CNTN5: variants seen among roughly 807,000 people sequenced by gnomAD.
The protein encoded by CNTN5 is contactin-5.
CNTN5 carries 77 observed loss-of-function variants against 129.1 expected under a neutral mutation model. The ratio of observed to expected loss-of-function variants is 0.60; its 90% CI spans 0.50 to 0.72. The LOEUF (loss-of-function observed/expected upper bound fraction) is 0.72. Ranked by LOEUF, CNTN5 falls within the 30% of genes least tolerant of loss-of-function variation. The pLI, the probability that CNTN5 is intolerant of heterozygous loss-of-function variation, is 0.00. For missense variants in CNTN5, 1,478 were observed against 1,328.8 expected (o/e 1.11, Z -1.75); for synonymous variants, 509 against 465.6 (o/e 1.09, Z -1.20).
intron 16 of CNTN5, among the ~76,000 whole-genome samples, chr11:100,232,096 G>A (rs1338226281): frequency 1.3e-5 from 2 of 152,272 alleles, no homozygotes; most frequent in African/African-American, 4.8e-5. Flanking sequence ...GGAGGTTGCA[G>A]TGAGCCGAGA....
At chr11:100,329,593 A>G (rs1320413446) in intron 21 of CNTN5, among the ~76,000 whole-genome samples, 2 of 152,118 alleles carry the variant, frequency 1.3e-5, no homozygotes, top group Non-Finnish European at 2.9e-5. Flanking sequence ...AACTAACACC[A>G]CTGGAGCAGG....
chr11:100,086,221 T>C (rs1184485746), intron 13 of CNTN5, among the ~76,000 whole-genome samples: 1 of 151,098 alleles, frequency 6.6e-6, no homozygotes, highest in Non-Finnish European at 1.5e-5. Context: ...AAATTATATT[T>C]ATTTTATAGA....
intron 21 of CNTN5, among the ~76,000 whole-genome samples, chr11:100,316,903 CA>C (rs1286891716): frequency 6.6e-6 from 1 of 152,120 alleles, no homozygotes; most frequent in Non-Finnish European, 1.5e-5. Flanking sequence ...TGCTTATTAT[CA>C]AGAAAAAACA....
At chr11:99,320,794 T>C (rs1483486093) in intron 1 of CNTN5, among the ~76,000 whole-genome samples, 3 of 152,274 alleles carry the variant, frequency 2.0e-5, no homozygotes, top group African/African-American at 7.2e-5. Context: ...TCAACTTGCC[T>C]GGGCCATGGG....
chr11:100,240,046 G>A (rs895483731), intron 16 of CNTN5, among the ~76,000 whole-genome samples: 38 of 152,260 alleles, frequency 2.5e-4, no homozygotes, highest in African/African-American at 8.7e-4. Context: ...CACCTGATCT[G>A]TATGAATCAG....
At chr11:99,765,865 G>C (rs539007283) in intron 3 of CNTN5, among the ~76,000 whole-genome samples, 1 of 151,728 alleles carries the variant, frequency 6.6e-6, no homozygotes, top group African/African-American at 2.4e-5. Context: ...CTGTATTCTG[G>C]TGACATTAAA....
chr11:99,127,151 C>T (rs1179337139), intron 1 of CNTN5, among the ~76,000 whole-genome samples: 1 of 152,144 alleles, frequency 6.6e-6, no homozygotes, highest in Non-Finnish European at 1.5e-5. Context: ...TCACATGCCC[C>T]AAACAGAACC....
intron 2 of CNTN5, among the ~76,000 whole-genome samples, chr11:99,407,460 C>T (rs1942128738): frequency 6.6e-6 from 1 of 152,000 alleles, no homozygotes; most frequent in Non-Finnish European, 1.5e-5. Context: ...TCTTCTGTCT[C>T]CTCTCCTAAA....
chr11:99,731,938 TAGG>T lies in CNTN5; in HGVS notation c.56-87601_56-87599del, dbSNP rs1943549118. 2.6e-5 allele frequency among the ~76,000 whole-genome samples: 4 copies of T among 152,278 alleles called. No homozygotes were observed. The South Asian group carries it at 8.3e-4, about 32-fold the overall frequency. ...AAGGGACATATGCATGCTAGAACAA[TAGG>T]AGGAATTATTGGTGTCCATATTTAG... On this transcript the variant is annotated intron_variant, in intron 3 of 24. Coordinates refer to ENST00000524871, the MANE Select transcript of CNTN5 (RefSeq NM_014361.4).
In CNTN5 at chr11:99,651,141, T is replaced by C. The variant is rs186897740; in HGVS notation, c.55+94872T>C. On this transcript the variant is annotated intron_variant, in intron 3 of 24. Coordinates refer to ENST00000524871, the MANE Select transcript of CNTN5 (RefSeq NM_014361.4). ...AAGTTGCTTAGCATAAAATGCAAGA[T>C]ACAGGTGAATAATTTGAGGACATAT... Among the ~76,000 whole-genome samples the C allele has an allele frequency of 5.6e-3, 853 of 152,044 alleles. 7 individuals carry two copies. The highest frequency in any genetic ancestry group is 0.034 in the Middle Eastern group (10 of 294).
intron 18 of CNTN5, among the ~76,000 whole-genome samples, chr11:100,282,088 C>G (rs952734547): frequency 5.3e-5 from 8 of 151,400 alleles, no homozygotes; most frequent in African/African-American, 1.9e-4. Flanking sequence ...AGGATTGGTC[C>G]CCGGTGGCAT....
chr11:100,136,714 GC>G (rs1258010884), intron 13 of CNTN5, among the ~76,000 whole-genome samples: 1 of 151,322 alleles, frequency 6.6e-6, no homozygotes, highest in African/African-American at 2.4e-5. Flanking sequence ...CTATGTGTAT[GC>G]CCAGTATGGA....
intron 17 of CNTN5, among the ~76,000 whole-genome samples, chr11:100,261,388 A>C (rs960009291): frequency 1.3e-5 from 2 of 152,180 alleles, no homozygotes; most frequent in African/African-American, 2.4e-5. Context: ...TAATTAATAG[A>C]TTCAATGCTC....
chr11:99,674,949 T>G (rs1953208430), intron 3 of CNTN5, among the ~76,000 whole-genome samples: 1 of 151,982 alleles, frequency 6.6e-6, no homozygotes, highest in Admixed American at 6.6e-5. Context: ...TGGATGTGCA[T>G]ACTGGATTAT....
At chr11:99,999,692 A>G (rs1939726578) in intron 8 of CNTN5, among the ~76,000 whole-genome samples, 1 of 152,178 alleles carries the variant, frequency 6.6e-6, no homozygotes, top group Non-Finnish European at 1.5e-5. Flanking sequence ...ATGCTGCTGT[A>G]AAGACACATG....
At chr11:99,935,681 T>G (rs777728955) in intron 7 of CNTN5, among the ~76,000 whole-genome samples, 13 of 152,138 alleles carry the variant, frequency 8.5e-5, no homozygotes, top group Middle Eastern at 3.2e-3. Context: ...AGAATCAGTA[T>G]TAAGTTTGTT....
intron 21 of CNTN5, among the ~76,000 whole-genome samples, chr11:100,318,505 T>A (rs370776228): frequency 3.3e-5 from 5 of 152,354 alleles, no homozygotes; most frequent in African/African-American, 1.2e-4. Context: ...AATTGCCAAT[T>A]AGTAAAGTGC....
intron 6 of CNTN5, among the ~76,000 whole-genome samples, chr11:99,885,933 T>G (rs1262023872): frequency 1.3e-5 from 2 of 152,108 alleles, no homozygotes; most frequent in Non-Finnish European, 2.9e-5. Flanking sequence ...CATTAAAAAA[T>G]TAATCATTAA....
chr11:100,066,248 G>A (rs1446295441), intron 10 of CNTN5, among the ~76,000 whole-genome samples: 1 of 152,066 alleles, frequency 6.6e-6, no homozygotes, highest in East Asian at 1.9e-4. Flanking sequence ...CAAGGGCATG[G>A]TAGCACTAGA....
Sources: allele counts gnomAD v4.1 joint callset (sites outside exome capture counted in the v4.1 genomes callset), GRCh38; gene constraint gnomAD v4.1.1; transcripts MANE v1.5; gene names NCBI Gene and HGNC (gene_info 2026-07-23, HGNC 2026-07-21).